The following PRSS48 variants were observed in gnomAD, a reference collection of about 807,000 sequenced individuals.
PRSS48 encodes serine protease 48.
PRSS48 carries 21 observed loss-of-function variants against 25.6 expected under a neutral mutation model. The observed-to-expected ratio is 0.82, with a 90% CI of 0.58 to 1.18. The LOEUF is 1.18. Ranked by LOEUF, PRSS48 falls within the 50% of genes most tolerant of loss-of-function variation. PRSS48 has a pLI of 0.00. For missense variants in PRSS48, 373 were observed against 399.3 expected, an observed-to-expected ratio of 0.93 and a Z score of 0.56; for synonymous variants, 150 against 149.3, an observed-to-expected ratio of 1.00 and a Z score of -0.04.
At chr4:151,285,872 C>G (rs950687159) in intron 4 of PRSS48, among the ~76,000 whole-genome samples, 1 of 151,624 alleles carries the variant, frequency 6.6e-6, no homozygotes, top group African/African-American at 2.4e-5. Flanking sequence ...GTGGCTCTGT[C>G]TCTTAAAAAT....
chr4:151,279,072 AC>A, intron 1 of PRSS48: 2 of 408,810 alleles, frequency 4.9e-6, no homozygotes, highest in East Asian at 7.5e-5. Flanking sequence ...CCTCTCACTG[AC>A]CAGGGAACAT....
chr4:151,291,231 A>C (rs1775308490), exon 5 of PRSS48: 1 of 1,613,892 alleles, frequency 6.2e-7, no homozygotes, highest in South Asian at 1.1e-5. Flanking sequence ...ACACCAATGT[A>C]ATCTACTACC....
At chr4:151,277,709 C>T (rs1773778117) in intron 1 of PRSS48, among the ~76,000 whole-genome samples, 1 of 152,044 alleles carries the variant, frequency 6.6e-6, no homozygotes, top group South Asian at 2.1e-4. Flanking sequence ...CAGGTATATG[C>T]TTGTTCATTT....
chr4:151,282,248 C>A (rs1452360038), exon 3 of PRSS48: 1 of 1,613,958 alleles, frequency 6.2e-7, no homozygotes, highest in South Asian at 1.1e-5. Context: ...CGTCATCCAT[C>A]CCAAGTACCA....
chr4:151,287,011 G>A (rs1416799399), intron 4 of PRSS48, among the ~76,000 whole-genome samples: 3 of 124,354 alleles, frequency 2.4e-5, no homozygotes, highest in Admixed American at 8.0e-5. Flanking sequence ...AATAATAATA[G>A]TAATTAATAC....
chr4:151,279,852 G>A, exon 2 of PRSS48: 1 of 1,602,484 alleles, frequency 6.2e-7, no homozygotes, highest in Non-Finnish European at 8.5e-7. Flanking sequence ...TGCTGCTGCA[G>A]GGCGCTGGCC....
At chr4:151,277,713 T>C (rs984637220) in intron 1 of PRSS48, among the ~76,000 whole-genome samples, 1 of 152,074 alleles carries the variant, frequency 6.6e-6, no homozygotes, top group East Asian at 1.9e-4. Flanking sequence ...TATATGCTTG[T>C]TCATTTATTT....
chr4:151,286,184 GAA>G (rs56850648), intron 4 of PRSS48, among the ~76,000 whole-genome samples: 88 of 86,624 alleles, frequency 1.0e-3, no homozygotes, highest in Middle Eastern at 0.014. Flanking sequence ...CTGTCTTAAA[GAA>G]AAAAAAAAAA....
intron 2 of PRSS48, among the ~76,000 whole-genome samples, chr4:151,281,946 C>T (rs1454350839): frequency 6.6e-6 from 1 of 151,808 alleles, no homozygotes; most frequent in Non-Finnish European, 1.5e-5. Context: ...TAGGAAGAGA[C>T]CACAGAAAGA....
intron 4 of PRSS48, among the ~76,000 whole-genome samples, chr4:151,287,680 A>T (rs954348018): frequency 6.6e-6 from 1 of 152,142 alleles, no homozygotes; most frequent in Non-Finnish European, 1.5e-5. Context: ...GGATCACTTG[A>T]GGTCAGGAGT....
chr4:151,282,563 T>C, intron 3 of PRSS48, 150 bp downstream of exon 3: 1 of 828,988 alleles, frequency 1.2e-6, no homozygotes, highest in Non-Finnish European at 1.8e-6. Flanking sequence ...TTAAATAAAA[T>C]ATCTTTTTTG....
chr4:151,277,534 A>G (rs1204658408), intron 1 of PRSS48, among the ~76,000 whole-genome samples: 2 of 152,182 alleles, frequency 1.3e-5, no homozygotes, highest in East Asian at 3.8e-4. Flanking sequence ...TCTGAAGTAC[A>G]GGGGCAGGAG....
At chr4:151,283,509 T>C (rs1283454698) in intron 4 of PRSS48, among the ~76,000 whole-genome samples, 2 of 8,554 alleles carry the variant, frequency 2.3e-4, no homozygotes, top group Middle Eastern at 0.05. Flanking sequence ...GTCATTGGAC[T>C]TTTTTTTTTT....
At chr4:151,279,728 T>C in intron 1 of PRSS48, 68 bp from the exon 2 acceptor site, 6 of 1,460,388 alleles carry the variant, frequency 4.1e-6, no homozygotes, top group Non-Finnish European at 5.7e-6. Context: ...TTGGGAATGA[T>C]GATAAGGTGG....
chr4:151,288,129 A>C (rs1015013257), intron 4 of PRSS48, among the ~76,000 whole-genome samples: 22 of 152,126 alleles, frequency 1.4e-4, no homozygotes, highest in African/African-American at 5.3e-4. Flanking sequence ...GGAGTTTTTC[A>C]ACTCGATCAA....
chr4:151,287,505 AAGG>A, intron 4 of PRSS48, among the ~76,000 whole-genome samples: 1 of 152,120 alleles, frequency 6.6e-6, no homozygotes, highest in Non-Finnish European at 1.5e-5. Context: ...AACATATAAA[AAGG>A]ACTATATATA....
chr4:151,291,638 T>A (rs189582191), downstream of PRSS48, among the ~76,000 whole-genome samples: 20 of 152,344 alleles, frequency 1.3e-4, no homozygotes, highest in African/African-American at 4.8e-4. Flanking sequence ...GGATGTCCTC[T>A]ATGAATAAGC....
chr4:151,287,316 C>G (rs6835206), intron 4 of PRSS48, among the ~76,000 whole-genome samples: 129,640 of 142,334 alleles, frequency 0.91, 59,346 homozygotes, highest in Non-Finnish European at 0.97. Flanking sequence ...ACTCCAGCCT[C>G]GGTTACAGAG....
At chr4:151,287,925 A>G (rs1317564363) in intron 4 of PRSS48, among the ~76,000 whole-genome samples, 1 of 152,190 alleles carries the variant, frequency 6.6e-6, no homozygotes, top group Non-Finnish European at 1.5e-5. Flanking sequence ...GATATACCAT[A>G]AACAACTGGG....
Sources: allele counts gnomAD v4.1 joint callset (sites outside exome capture counted in the v4.1 genomes callset), GRCh38; gene constraint gnomAD v4.1.1; transcripts MANE v1.5; gene names NCBI Gene and HGNC (gene_info 2026-07-23, HGNC 2026-07-21).